OXR1: variants seen among roughly 807,000 people sequenced by gnomAD.
OXR1 encodes the protein oxidation resistance 1, also known as oxidation resistance protein 1.
OXR1 carries 41 observed loss-of-function variants against 104.6 expected under a neutral mutation model. The ratio of observed to expected loss-of-function variants is 0.39; its 90% CI spans 0.31 to 0.51. OXR1 has a LOEUF of 0.51. Ranked by LOEUF, OXR1 falls within the 20% of genes least tolerant of loss-of-function variation. OXR1 has a pLI of 0.77. For missense variants in OXR1, 955 were observed against 1,031.9 expected, an observed-to-expected ratio of 0.93 and a Z score of 1.02; for synonymous variants, 348 against 348.4, an observed-to-expected ratio of 1.00 and a Z score of 0.01.
intron 3 of OXR1, among the ~76,000 whole-genome samples, chr8:106,655,866 A>G (rs1361637392): frequency 2.0e-5 from 3 of 151,954 alleles, no homozygotes; most frequent in African/African-American, 4.8e-5. Flanking sequence ...ATAGAAGCAG[A>G]AAAAAAACCC....
At chr8:106,383,786 A>G (rs1340255295) in intron 2 of OXR1, among the ~76,000 whole-genome samples, 1 of 152,226 alleles carries the variant, frequency 6.6e-6, no homozygotes, top group Non-Finnish European at 1.5e-5. Flanking sequence ...CATACATCGT[A>G]AGCCAAGTCA....
intron 3 of OXR1, among the ~76,000 whole-genome samples, chr8:106,649,790 A>G (rs1824401293): frequency 1.3e-5 from 2 of 151,874 alleles, no homozygotes; most frequent in Non-Finnish European, 2.9e-5. Flanking sequence ...TCTGCCTCCC[A>G]GGTTCACGCC....
At chr8:106,506,878 C>A (rs369873144) in intron 2 of OXR1, among the ~76,000 whole-genome samples, 1 of 151,818 alleles carries the variant, frequency 6.6e-6, no homozygotes, top group Non-Finnish European at 1.5e-5. Flanking sequence ...ATTGCTTGAG[C>A]TCAGGAATTC....
chr8:106,712,613 A>G (rs1297840511), intron 10 of OXR1, among the ~76,000 whole-genome samples: 2 of 152,016 alleles, frequency 1.3e-5, no homozygotes, highest in Non-Finnish European at 2.9e-5. Flanking sequence ...GAAAATCTTT[A>G]TATGTTGCTT....
At chr8:106,467,245 T>C (rs1240326777) in intron 2 of OXR1, among the ~76,000 whole-genome samples, 1 of 151,934 alleles carries the variant, frequency 6.6e-6, no homozygotes, top group Non-Finnish European at 1.5e-5. Flanking sequence ...CAACAAGCAA[T>C]TATTATCATG....
At chr8:106,717,016 T>A (rs1832333258) in intron 11 of OXR1, among the ~76,000 whole-genome samples, 1 of 152,086 alleles carries the variant, frequency 6.6e-6, no homozygotes, top group Middle Eastern at 3.4e-3. Flanking sequence ...TAAAACCCTG[T>A]CTCTACTAAA....
chr8:106,316,709 CTATCTATCATCTATCT>C (rs1344343546), intron 1 of OXR1, among the ~76,000 whole-genome samples: 3 of 106,266 alleles, frequency 2.8e-5, no homozygotes, highest in East Asian at 2.5e-4. Context: ...ATCTATCTAT[CTATCTATCATCTATCT>C]ATCTATCTAT....
At chr8:106,390,543 G>A (rs912268793) in intron 2 of OXR1, among the ~76,000 whole-genome samples, 7 of 152,050 alleles carry the variant, frequency 4.6e-5, no homozygotes, top group Admixed American at 1.3e-4. Context: ...TTTTTCCAAC[G>A]TCACACAGAA....
At chr8:106,456,835 C>T (rs1820621242) in intron 2 of OXR1, among the ~76,000 whole-genome samples, 1 of 152,094 alleles carries the variant, frequency 6.6e-6, no homozygotes, top group South Asian at 2.1e-4. Context: ...ATCCAGGAGA[C>T]CAAATAAAGA....
At chr8:106,422,813 C>T (rs1186102611) in intron 2 of OXR1, among the ~76,000 whole-genome samples, 1 of 152,158 alleles carries the variant, frequency 6.6e-6, no homozygotes, top group Non-Finnish European at 1.5e-5. Context: ...TTGAAATCTT[C>T]TCTTTGACAT....
chr8:106,465,674 A>G (rs1214261575), intron 2 of OXR1, among the ~76,000 whole-genome samples: 4 of 151,974 alleles, frequency 2.6e-5, no homozygotes, highest in Non-Finnish European at 5.9e-5. Flanking sequence ...AGAAAAAGAG[A>G]AAGAACAGGA....
At chr8:106,659,268 G>A (rs1189302387) in intron 3 of OXR1, among the ~76,000 whole-genome samples, 1 of 152,176 alleles carries the variant, frequency 6.6e-6, no homozygotes, top group East Asian at 1.9e-4. Flanking sequence ...CCTGCCAGTT[G>A]TTTTAAAGCA....
chr8:106,692,752 G>A lies in OXR1; in HGVS notation c.550G>A (p.Ala184Thr). 6.6e-7 allele frequency: 1 copy of A among 1,526,094 alleles called. No homozygotes were observed. Among genetic ancestry groups the A allele is most frequent in the South Asian group, 1.3e-5 (1 of 75,304 alleles). The allele number at this position is 1,526,094 out of a possible 1,614,324, so 94.5% of individuals were successfully genotyped here. The change falls in exon 7 of 17, where the codon GCA (alanine) becomes ACA (threonine). Residue 184 changes from alanine to threonine, a missense_variant. Physicochemically the swap from Ala to Thr is moderately conservative, Grantham distance 58. Transcript: ENST00000517566. ...GAATCCTGATGTCCATCCAACAGAAGCAACTCCCTCATCTACTTTCACTGG... is the reference window on the plus strand; with the variant it reads ...GAATCCTGATGTCCATCCAACAGAAACAACTCCCTCATCTACTTTCACTGG... The part of the protein sequence containing the change: ...TTNPDVHPTE[A>T]TPSSTFTGIR...
intron 1 of OXR1, among the ~76,000 whole-genome samples, chr8:106,302,501 G>T (rs1586494779): frequency 1.3e-5 from 2 of 151,404 alleles, no homozygotes; most frequent in Non-Finnish European, 2.9e-5. Flanking sequence ...CAGGGGAATG[G>T]TGTGAACCCG....
intron 3 of OXR1, among the ~76,000 whole-genome samples, chr8:106,645,386 C>T (rs1378107818): frequency 6.6e-6 from 1 of 152,154 alleles, no homozygotes; most frequent in African/African-American, 2.4e-5. Flanking sequence ...GTAGGTGGGG[C>T]TGAGGTGCCT....
chr8:106,735,498 T>C (rs907229762), intron 11 of OXR1, among the ~76,000 whole-genome samples: 1 of 152,086 alleles, frequency 6.6e-6, no homozygotes, highest in African/African-American at 2.4e-5. Context: ...CATAATTTAA[T>C]TTCACTTCCA....
chr8:106,697,189 A>G (rs1165137308), intron 7 of OXR1, among the ~76,000 whole-genome samples: 1 of 152,156 alleles, frequency 6.6e-6, no homozygotes, highest in African/African-American at 2.4e-5. Flanking sequence ...TCCCAGGGGA[A>G]AAGAAGAGGC....
At chr8:106,317,752 C>G (rs1586515081) in intron 1 of OXR1, among the ~76,000 whole-genome samples, 1 of 151,132 alleles carries the variant, frequency 6.6e-6, no homozygotes, top group Non-Finnish European at 1.5e-5. Flanking sequence ...TAGGAAAACT[C>G]TCTCTCATTC....
intron 3 of OXR1, among the ~76,000 whole-genome samples, chr8:106,613,812 C>T (rs1820987233): frequency 6.6e-6 from 1 of 152,226 alleles, no homozygotes; most frequent in Non-Finnish European, 1.5e-5. Context: ...GAGTTAACTA[C>T]TTAGTAAGTA....
Sources: allele counts gnomAD v4.1 joint callset (sites outside exome capture counted in the v4.1 genomes callset), GRCh38; gene constraint gnomAD v4.1.1; transcripts MANE v1.5; gene names NCBI Gene and HGNC (gene_info 2026-07-23, HGNC 2026-07-21).